The following MAST4 variants were observed in gnomAD, a reference collection of about 807,000 sequenced individuals.
MAST4 encodes microtubule-associated serine/threonine-protein kinase 4.
MAST4 carries 89 observed loss-of-function variants against 162.7 expected under a neutral mutation model. The observed-to-expected ratio is 0.55, with a 90% confidence interval of 0.46 to 0.65. The LOEUF (loss-of-function observed/expected upper bound fraction) is 0.65. Ranked by LOEUF, MAST4 falls within the 30% of genes least tolerant of loss-of-function variation. The pLI, the probability that MAST4 is intolerant of heterozygous loss-of-function variation, is 0.00. For synonymous variants in MAST4, 1,479 were observed against 1,361.1 expected, an observed-to-expected ratio of 1.09 and a Z score of -1.91; for missense variants, 3,153 against 3,374.0, an observed-to-expected ratio of 0.93 and a Z score of 1.62.
intron 4 of MAST4, among the ~76,000 whole-genome samples, chr5:66,920,074 GC>G (rs1444960728): frequency 1.3e-5 from 2 of 151,004 alleles, no homozygotes; most frequent in African/African-American, 4.9e-5. Flanking sequence ...ACTTCTGCTG[GC>G]TAGTAGTGAA....
chr5:66,685,591 C>T (rs761900271), intron 1 of MAST4, among the ~76,000 whole-genome samples: 1 of 151,632 alleles, frequency 6.6e-6, no homozygotes, highest in Non-Finnish European at 1.5e-5. Context: ...AATTCCCCCA[C>T]AGAATGGTAG....
intron 7 of MAST4, among the ~76,000 whole-genome samples, chr5:67,098,575 A>G (rs543592506): frequency 6.6e-6 from 1 of 152,288 alleles, no homozygotes; most frequent in African/African-American, 2.4e-5. Context: ...AGAAACTTGT[A>G]TGTGCATATG....
chr5:66,943,583 G>A (rs1018007299), intron 4 of MAST4, among the ~76,000 whole-genome samples: 2 of 152,038 alleles, frequency 1.3e-5, no homozygotes, highest in Admixed American at 6.6e-5. Context: ...AGGCTCATTT[G>A]TTTAATGGAA....
At chr5:67,003,676 TA>T (rs1028264010) in intron 4 of MAST4, among the ~76,000 whole-genome samples, 20 of 152,192 alleles carry the variant, frequency 1.3e-4, no homozygotes, top group South Asian at 1.2e-3. Flanking sequence ...CATTCATGGA[TA>T]GGGGGAGATA....
chr5:67,145,501 C>T (rs1770975275), intron 23 of MAST4, 122 bp downstream of exon 23: 1 of 737,424 alleles, frequency 1.4e-6, no homozygotes, highest in Non-Finnish European at 2.2e-6. Context: ...TAGACTTTCT[C>T]CATGGCCTCA....
At chr5:66,928,009 G>A (rs915114952) in intron 4 of MAST4, among the ~76,000 whole-genome samples, 2 of 152,088 alleles carry the variant, frequency 1.3e-5, no homozygotes, top group Non-Finnish European at 2.9e-5. Flanking sequence ...GTCTATCCCT[G>A]TGTCAAAATT....
intron 14 of MAST4, among the ~76,000 whole-genome samples, chr5:67,121,705 T>C (rs1767621289): frequency 6.6e-6 from 1 of 151,276 alleles, no homozygotes; most frequent in African/African-American, 2.4e-5. Context: ...AAAAAACTCA[T>C]AATATTTTCA....
At chr5:66,973,465 A>G (rs1465047427) in intron 4 of MAST4, among the ~76,000 whole-genome samples, 6 of 152,216 alleles carry the variant, frequency 3.9e-5, no homozygotes, top group Non-Finnish European at 8.8e-5. Context: ...TGGCTTTGTC[A>G]TCTTTAGATT....
intron 4 of MAST4, among the ~76,000 whole-genome samples, chr5:66,955,357 G>T (rs1373737211): frequency 6.6e-6 from 1 of 152,120 alleles, no homozygotes; most frequent in African/African-American, 2.4e-5. Context: ...TAAGTGCAAA[G>T]GGCAAGAGGC....
chr5:66,883,826 T>C (rs1297549221), intron 3 of MAST4, among the ~76,000 whole-genome samples: 1 of 152,222 alleles, frequency 6.6e-6, no homozygotes, highest in Non-Finnish European at 1.5e-5. Flanking sequence ...GTATTTTTAT[T>C]CCTTGTGTTT....
intron 4 of MAST4, among the ~76,000 whole-genome samples, chr5:67,032,120 C>T (rs1004329194): frequency 2.6e-5 from 4 of 152,132 alleles, no homozygotes; most frequent in Non-Finnish European, 4.4e-5. Context: ...TTGCCTAAAT[C>T]TTTCTGTGAA....
rs60766673 is a variant in MAST4, at chr5:66,767,170, C to CGTGTGTGT, written c.517+7348_517+7355dup. On this transcript the variant is annotated intron_variant, in intron 2 of 28. Coordinates refer to ENST00000403625, the MANE Select transcript of MAST4 (RefSeq NM_001164664.2). ...TGGTCACAGATGAATGTAAAGTGCA[C>CGTGTGTGT]GTGTGTGTGTGTGTGTGTGTGTGTG... 4.8e-3 allele frequency among the ~76,000 whole-genome samples: 663 copies of CGTGTGTGT among 139,548 alleles called. 4 individuals are homozygous for CGTGTGTGT. The highest frequency in any genetic ancestry group is 0.016 in the East Asian group (74 of 4,536). 91.5% of individuals were successfully genotyped at this position (139,548 alleles called of 152,430 possible).
chr5:66,982,448 GAA>G (rs1386125648), intron 4 of MAST4, among the ~76,000 whole-genome samples: 1 of 152,120 alleles, frequency 6.6e-6, no homozygotes, highest in Non-Finnish European at 1.5e-5. Flanking sequence ...TGTCATAAAA[GAA>G]TATTTATTTA....
intron 1 of MAST4, 141 bp downstream of exon 1, chr5:66,597,159 G>A: frequency 8.8e-7 from 1 of 1,137,086 alleles, no homozygotes; most frequent in Non-Finnish European, 1.1e-6. Context: ...CCCGAGCACG[G>A]GACAACGATA....
At chr5:66,858,493 G>T (rs541848069) in intron 3 of MAST4, among the ~76,000 whole-genome samples, 2 of 152,100 alleles carry the variant, frequency 1.3e-5, no homozygotes, top group South Asian at 4.2e-4. Context: ...CATTCACATT[G>T]GTGTTAGGGT....
chr5:66,735,659 A>G (rs1278383535), intron 1 of MAST4, among the ~76,000 whole-genome samples: 4 of 152,134 alleles, frequency 2.6e-5, no homozygotes, highest in Non-Finnish European at 4.4e-5. Context: ...TTTTTATGTG[A>G]ATATGTTTTT....
intron 4 of MAST4, among the ~76,000 whole-genome samples, chr5:67,009,937 C>T (rs1752479964): frequency 6.6e-6 from 1 of 152,244 alleles, no homozygotes; most frequent in South Asian, 2.1e-4. Context: ...GTTGATGAGC[C>T]ATTGACTCTG....
At chr5:66,916,317 CA>C (rs770325159) in intron 4 of MAST4, among the ~76,000 whole-genome samples, 17 of 152,064 alleles carry the variant, frequency 1.1e-4, no homozygotes, top group Non-Finnish European at 2.5e-4. Flanking sequence ...GGCTGATACA[CA>C]GGGGGGAAAG....
intron 4 of MAST4, among the ~76,000 whole-genome samples, chr5:67,031,124 T>C (rs1297871986): frequency 6.6e-6 from 1 of 152,182 alleles, no homozygotes. Flanking sequence ...CTGACTAGAC[T>C]AAAATGTATG....
Sources: allele counts gnomAD v4.1 joint callset (sites outside exome capture counted in the v4.1 genomes callset), GRCh38; gene constraint gnomAD v4.1.1; transcripts MANE v1.5; gene names NCBI Gene and HGNC (gene_info 2026-07-23, HGNC 2026-07-21).